Variants in PARP16 observed in about 807,000 individuals in gnomAD.
PARP16 encodes the protein protein mono-ADP-ribosyltransferase PARP16.
PARP16 carries 31 observed loss-of-function variants against 35.0 expected under a neutral mutation model. That is an observed-to-expected ratio of 0.88 (90% CI 0.66 to 1.19). PARP16 has a LOEUF of 1.19. Among genes scored for constraint, PARP16 ranks in the 50% most tolerant of loss-of-function variants. The pLI is 0.00. For missense variants in PARP16, 424 were observed against 411.2 expected (o/e 1.03, Z -0.27); for synonymous variants, 162 against 169.5 (o/e 0.96, Z 0.34).
At chr15:65,240,312 T>G (rs868401672) in intron 3 of PARP16, among the ~76,000 whole-genome samples, 16,983 of 101,720 alleles carry the variant, frequency 0.17, 1,365 homozygotes, top group African/African-American at 0.29. Flanking sequence ...GTGTGTGTGG[T>G]GGGGGGGGCT....
rs1567013240 is a variant in PARP16, at chr15:65,250,106, C to CTTTTTTTTTT, written c.203-1879_203-1878insAAAAAAAAAA. 4.8e-5 allele frequency among the ~76,000 whole-genome samples: 5 copies of CTTTTTTTTTT among 104,198 alleles called. 1 individual carries two copies. The highest frequency in any genetic ancestry group is 7.6e-5 in the African/African-American group (2 of 26,146). 68.4% of individuals were successfully genotyped at this position (104,198 alleles called of 152,430 possible). On this transcript the variant is annotated intron_variant and NMD_transcript_variant, in intron 2 of 3. Transcript: ENST00000559805. ...CTAGCTGCAGCCTTGCACCTGCTTGCCTTTTTTTTTTTTTTTTTTTTTTTT... is the reference window on the plus strand; with the variant it reads ...CTAGCTGCAGCCTTGCACCTGCTTGCTTTTTTTTTTCTTTTTTTTTTTTTTTTTTTTTTTT...
intron 2 of PARP16, among the ~76,000 whole-genome samples, chr15:65,250,958 G>A (rs1299288804): frequency 1.3e-5 from 2 of 152,040 alleles, no homozygotes; most frequent in African/African-American, 2.4e-5. Flanking sequence ...CCTCCGCCTC[G>A]CTACAACCTT....
chr15:65,246,734 G>GA (rs987775081), intron 3 of PARP16, among the ~76,000 whole-genome samples: 1 of 152,196 alleles, frequency 6.6e-6, no homozygotes, highest in African/African-American at 2.4e-5. Context: ...AGAATGGGGT[G>GA]AAGGGAGTGG....
chr15:65,257,576 G>A (rs1390022059), downstream of PARP16, among the ~76,000 whole-genome samples: 1 of 147,244 alleles, frequency 6.8e-6, no homozygotes, highest in Non-Finnish European at 1.5e-5. Context: ...GCTGCAGTGA[G>A]CCGAGATTGC....
intron 1 of PARP16, among the ~76,000 whole-genome samples, chr15:65,281,417 C>T (rs1052654136): frequency 6.6e-6 from 1 of 152,100 alleles, no homozygotes; most frequent in Non-Finnish European, 1.5e-5. Flanking sequence ...TGGCCAGGCA[C>T]GGTGGCTCAT....
intron 1 of PARP16, among the ~76,000 whole-genome samples, chr15:65,276,347 AAAC>A (rs374554274): frequency 4.9e-4 from 75 of 152,250 alleles, no homozygotes; most frequent in African/African-American, 1.8e-3. Context: ...AATTTCAGAT[AAAC>A]AACAACAACA....
At chr15:65,273,275 T>TGA (rs1273129434) in intron 1 of PARP16, among the ~76,000 whole-genome samples, 3 of 16,218 alleles carry the variant, frequency 1.8e-4, no homozygotes, top group African/African-American at 3.3e-4. Context: ...AGACTCTGTC[T>TGA]CAAAAAAAAA....
intron 1 of PARP16, among the ~76,000 whole-genome samples, chr15:65,277,509 G>A (rs1481730376): frequency 6.6e-6 from 1 of 152,240 alleles, no homozygotes. Context: ...CCAGCCACCA[G>A]AATAAATGCT....
exon 3 of PARP16, chr15:65,248,125 T>A: frequency 2.2e-6 from 1 of 456,354 alleles, no homozygotes; most frequent in Admixed American, 2.3e-5. Context: ...ACCTCTCTAC[T>A]TTCCACAGTT....
intron 1 of PARP16, among the ~76,000 whole-genome samples, chr15:65,272,701 TC>T (rs1349609350): frequency 6.6e-6 from 1 of 152,186 alleles, no homozygotes; most frequent in Non-Finnish European, 1.5e-5. Flanking sequence ...CTTGTGTTTT[TC>T]CAATTCTCCT....
intron 1 of PARP16, among the ~76,000 whole-genome samples, chr15:65,281,921 T>C (rs2090432695): frequency 6.6e-6 from 1 of 152,186 alleles, no homozygotes; most frequent in South Asian, 2.1e-4. Context: ...TATAGGTGTG[T>C]AATAACACCT....
intron 1 of PARP16, among the ~76,000 whole-genome samples, chr15:65,279,710 C>A (rs1244857971): frequency 6.6e-6 from 1 of 152,160 alleles, no homozygotes. Flanking sequence ...TAATTGTTAT[C>A]ATTTCCTCAC....
downstream of PARP16, among the ~76,000 whole-genome samples, chr15:65,255,339 GA>G (rs1001051088): frequency 9.2e-5 from 14 of 151,902 alleles, no homozygotes; most frequent in Middle Eastern, 3.4e-3. Context: ...AAAATTAGAA[GA>G]AAAAAACTTT....
chr15:65,253,881 G>A (rs570005306), downstream of PARP16, among the ~76,000 whole-genome samples: 3 of 152,088 alleles, frequency 2.0e-5, no homozygotes, highest in Non-Finnish European at 2.9e-5. Context: ...GCAGTGGCAC[G>A]ATCTCAGCTT....
At chr15:65,250,020 GTGTCGGCACTCT>G (rs2089313269) in intron 2 of PARP16, among the ~76,000 whole-genome samples, 1 of 151,476 alleles carries the variant, frequency 6.6e-6, no homozygotes, top group African/African-American at 2.4e-5. Context: ...ACTGGGCCTG[GTGTCGGCACTCT>G]TGTCTTCCTA....
chr15:65,244,398 A>T (rs1456404468), intron 3 of PARP16, among the ~76,000 whole-genome samples: 1 of 152,182 alleles, frequency 6.6e-6, no homozygotes, highest in African/African-American at 2.4e-5. Flanking sequence ...AGGCCTCACA[A>T]TCATGGCGGA....
chr15:65,244,498 C>T (rs909874184), intron 3 of PARP16, among the ~76,000 whole-genome samples: 3 of 152,116 alleles, frequency 2.0e-5, no homozygotes, highest in Non-Finnish European at 4.4e-5. Context: ...CATCAGATCT[C>T]GTGAGACTTA....
intron 3 of PARP16, among the ~76,000 whole-genome samples, chr15:65,236,940 C>A (rs2088894640): frequency 1.4e-5 from 2 of 142,646 alleles, no homozygotes; most frequent in African/African-American, 5.3e-5. Context: ...CCACTGCACT[C>A]TAGCCTGGGC....
At chr15:65,255,796 A>G (rs2089489699), downstream of PARP16, among the ~76,000 whole-genome samples, 1 of 151,942 alleles carries the variant, frequency 6.6e-6, no homozygotes, top group African/African-American at 2.4e-5. Flanking sequence ...GTTTGAAACA[A>G]ATGTTGCCGG....
Sources: allele counts gnomAD v4.1 joint callset (sites outside exome capture counted in the v4.1 genomes callset), GRCh38; gene constraint gnomAD v4.1.1; transcripts MANE v1.5; gene names NCBI Gene and HGNC (gene_info 2026-07-23, HGNC 2026-07-21).